Variants in FTO observed in about 807,000 individuals in gnomAD.
FTO encodes alpha-ketoglutarate-dependent dioxygenase FTO.
A neutral mutation model predicts 63.9 loss-of-function variants in FTO; 47 were observed. That is an observed-to-expected ratio of 0.74 (90% CI 0.58 to 0.94). The LOEUF is 0.94. Among genes scored for constraint, FTO ranks in the 40% least tolerant of loss-of-function variants. The pLI is 0.00. For missense variants in FTO, 562 were observed against 618.1 expected, an observed-to-expected ratio of 0.91 and a Z score of 0.96; for synonymous variants, 207 against 224.4, an observed-to-expected ratio of 0.92 and a Z score of 0.69.
Position 54,111,840 on chromosome 16 carries a change from T to C in FTO, c.1443T>C (p.Ala481=), listed in dbSNP as rs2086896484. ...GGCCATACTGGGAAAAGGATGATGC[T>C]TCGATGCCTCTGCCGTTTGACCTCA... The part of the protein sequence containing the change: ...ECRPYWEKDD[A]SMPLPFDLTD... The change falls in exon 9 of 9, where the codon GCT becomes GCC. Residue 481 remains alanine, a synonymous_variant. Transcript: ENST00000471389. 1.2e-6 allele frequency: 2 copies of C among 1,614,154 alleles called. No homozygotes were observed. The highest frequency in any genetic ancestry group is 1.7e-6 in the Non-Finnish European group (2 of 1,180,014).
rs1318886601 is a variant in FTO, at chr16:54,115,555, T to G, written c.*3640T>G. ...TTGATCAGGCTGTGGGGAAGGGAGGTGGTTGGGAAGAGCTTCCCAGGAAAG... is the reference window on the plus strand; with the variant it reads ...TTGATCAGGCTGTGGGGAAGGGAGGGGGTTGGGAAGAGCTTCCCAGGAAAG... On this transcript the variant is annotated 3_prime_UTR_variant, in exon 9 of 9. Coordinates refer to ENST00000471389, the MANE Select transcript of FTO (RefSeq NM_001080432.3). 2 of 148,108 alleles carry G rather than the reference T, an allele frequency of 1.4e-5. No individual in the cohort carries two copies. Among genetic ancestry groups the G allele is most frequent in the African/African-American group, 2.5e-5 (1 of 39,822 alleles). 9.2% of individuals were successfully genotyped at this position (148,108 alleles called of 1,614,324 possible).
intron 8 of FTO, among the ~76,000 whole-genome samples, chr16:54,087,600 C>T (rs375202256): frequency 1.8e-4 from 28 of 152,176 alleles, no homozygotes; most frequent in African/African-American, 6.5e-4. Flanking sequence ...CCAACAAGTT[C>T]GAGACCAGCC....
intron 1 of FTO, among the ~76,000 whole-genome samples, chr16:53,764,731 T>A (rs758872752): frequency 4.7e-5 from 7 of 149,454 alleles, no homozygotes; most frequent in Non-Finnish European, 1.0e-4. Flanking sequence ...TTTTTTTAAA[T>A]TTTTTTTTGA....
rs772503437 is a variant in FTO at position 53,826,290 on chromosome 16, T to C, written c.550T>C (p.Ser184Pro). The C allele has an allele frequency of 1.2e-6, 2 of 1,614,180 alleles. No homozygotes were observed. The highest frequency in any genetic ancestry group is 3.3e-5 in the Admixed American group (2 of 60,020). ...TTTCCCCAGGGTTGGGATGGGTTCATCCTACAACGGACAAGATGAAGTGGA... is the reference window on the plus strand; with the variant it reads ...TTTCCCCAGGGTTGGGATGGGTTCACCCTACAACGGACAAGATGAAGTGGA... Reference protein sequence around the residue: ...ADFPRVGMGSSYNGQDEVDIK... With the variant: ...ADFPRVGMGSPYNGQDEVDIK... Residue 184 changes from serine to proline, a missense_variant, in exon 3 of 9, where the codon TCC becomes CCC. Coordinates refer to ENST00000471389, the MANE Select transcript of FTO (RefSeq NM_001080432.3).
chr16:54,015,486 TA>T (rs1365264205), intron 8 of FTO, among the ~76,000 whole-genome samples: 1 of 152,000 alleles, frequency 6.6e-6, no homozygotes, highest in Non-Finnish European at 1.5e-5. Flanking sequence ...AACTAACCAA[TA>T]AAAAAATAAA....
intron 3 of FTO, among the ~76,000 whole-genome samples, chr16:53,831,521 TC>T (rs1456427425): frequency 6.6e-6 from 1 of 152,226 alleles, no homozygotes; most frequent in Non-Finnish European, 1.5e-5. Flanking sequence ...AATTATTTTT[TC>T]ATTTAACAAT....
At chr16:53,969,333 G>A (rs2083267891) in intron 8 of FTO, among the ~76,000 whole-genome samples, 1 of 152,088 alleles carries the variant, frequency 6.6e-6, no homozygotes, top group African/African-American at 2.4e-5. Context: ...CCAAGCCTTA[G>A]GAAACAGGTA....
chr16:54,027,343 G>C (rs573718992), intron 8 of FTO, among the ~76,000 whole-genome samples: 60 of 152,220 alleles, frequency 3.9e-4, no homozygotes, highest in Admixed American at 1.2e-3. Flanking sequence ...CCATGAGCTG[G>C]CTTGATAAGG....
chr16:53,907,018 A>G (rs1598959653), intron 7 of FTO, among the ~76,000 whole-genome samples: 1 of 152,310 alleles, frequency 6.6e-6, no homozygotes, highest in South Asian at 2.1e-4. Flanking sequence ...ATGGTCTCCT[A>G]TACTCTTCAC....
At chr16:53,879,768 T>C in intron 5 of FTO, 76 bp from the exon 6 acceptor site, 1 of 1,559,714 alleles carries the variant, frequency 6.4e-7, no homozygotes, top group Non-Finnish European at 8.8e-7. Context: ...GGGACAAATA[T>C]GAACAATCCT....
At chr16:54,049,022 C>CT (rs577223615) in intron 8 of FTO, among the ~76,000 whole-genome samples, 3 of 151,702 alleles carry the variant, frequency 2.0e-5, no homozygotes, top group Non-Finnish European at 4.4e-5. Context: ...TTCTTTCTTT[C>CT]TTTTTTTCCC....
At chr16:53,762,352 G>GT (rs148080317) in intron 1 of FTO, among the ~76,000 whole-genome samples, 3,582 of 152,222 alleles carry the variant, frequency 0.024, 139 homozygotes, top group African/African-American at 0.082. Context: ...ATATTCTGTA[G>GT]TTATGCATTT....
chr16:53,910,948 A>G (rs1178247968), intron 7 of FTO, among the ~76,000 whole-genome samples: 1 of 152,220 alleles, frequency 6.6e-6, no homozygotes, highest in African/African-American at 2.4e-5. Flanking sequence ...TAGTTATTAG[A>G]TGGATGGTGA....
chr16:54,110,172 A>G (rs528238545), intron 8 of FTO, among the ~76,000 whole-genome samples: 1 of 152,334 alleles, frequency 6.6e-6, no homozygotes, highest in East Asian at 1.9e-4. Flanking sequence ...TCAAACACCT[A>G]TGATTAAGTA....
chr16:54,020,388 TTTCTTGCTGGAGACAAA>T (rs2084561314), intron 8 of FTO, among the ~76,000 whole-genome samples: 1 of 152,192 alleles, frequency 6.6e-6, no homozygotes, highest in Non-Finnish European at 1.5e-5. Flanking sequence ...TCCAGTAGGT[TTTCTTGCTGGAGACAAA>T]AAGAAAAACA....
chr16:53,834,320 G>A (rs887368044), intron 3 of FTO, among the ~76,000 whole-genome samples: 2 of 152,066 alleles, frequency 1.3e-5, no homozygotes, highest in Non-Finnish European at 2.9e-5. Flanking sequence ...CACCGCGCCC[G>A]GCCTGAACTT....
intron 5 of FTO, among the ~76,000 whole-genome samples, chr16:53,878,663 A>G (rs370765143): frequency 6.6e-6 from 1 of 152,342 alleles, no homozygotes; most frequent in African/African-American, 2.4e-5. Flanking sequence ...AAGGGTATTT[A>G]TAGCTGACTT....
intron 8 of FTO, among the ~76,000 whole-genome samples, chr16:54,049,130 C>G (rs186117337): frequency 1.8e-4 from 27 of 152,114 alleles, no homozygotes; most frequent in African/African-American, 6.5e-4. Context: ...GATAAAGAAA[C>G]CAGATGCCAG....
At chr16:54,058,282 C>T (rs1200119198) in intron 8 of FTO, among the ~76,000 whole-genome samples, 1 of 151,942 alleles carries the variant, frequency 6.6e-6, no homozygotes, top group Non-Finnish European at 1.5e-5. Context: ...TCAGTAGTCC[C>T]AGCTAATTTT....
Sources: gnomAD v4.1 joint callset for allele counts (sites outside exome capture counted in the v4.1 genomes callset) on GRCh38, gnomAD v4.1.1 for gene constraint, MANE v1.5 for transcripts, NCBI Gene and HGNC (gene_info 2026-07-23, HGNC 2026-07-21) for gene names.